The following DHX58 variants were observed in gnomAD, a reference collection of about 807,000 sequenced individuals.
The protein encoded by DHX58 is ATP-dependent RNA helicase DHX58.
DHX58 carries 51 observed loss-of-function variants against 65.0 expected under a neutral mutation model. The observed-to-expected ratio is 0.78, with a 90% confidence interval of 0.63 to 0.99. The LOEUF (loss-of-function observed/expected upper bound fraction) is 0.99. DHX58 is among the 50% of genes least tolerant of loss of function. The pLI, the probability that DHX58 is intolerant of heterozygous loss-of-function variation, is 0.00. For missense variants in DHX58, 773 were observed against 891.8 expected (o/e 0.87, Z 1.70); for synonymous variants, 350 against 365.0 (o/e 0.96, Z 0.47).
Position 42,103,607 on chromosome 17 carries a change from C to A in DHX58, c.1754+1G>T. ...CCAGTAGCCCCTTCCACAGGTCTCA[C>A]GAGAAGTTGGGGTTCACATTGACAT... On this transcript the variant is annotated splice_donor_variant, in intron 12 of 13. Coordinates refer to ENST00000251642, the MANE Select transcript of DHX58 (RefSeq NM_024119.3). LOFTEE classifies it high-confidence loss of function. The A allele has an allele frequency of 6.2e-7, 1 of 1,614,002 alleles. No individual in the cohort carries two copies. The highest frequency in any genetic ancestry group is 8.5e-7 in the Non-Finnish European group (1 of 1,180,008).
At chr17:42,106,441 T>TG (rs2054061504) in intron 8 of DHX58, among the ~76,000 whole-genome samples, 2 of 17,024 alleles carry the variant, frequency 1.2e-4, no homozygotes, top group African/African-American at 2.7e-4. Flanking sequence ...AGGTGGGGGG[T>TG]GGGGGGTGGG....
intron 7 of DHX58, 66 bp from the exon 8 acceptor site, chr17:42,107,861 C>T (rs2054088267): frequency 6.5e-7 from 1 of 1,542,670 alleles, no homozygotes; most frequent in Non-Finnish European, 8.7e-7. Flanking sequence ...CCCATAGGGC[C>T]GTCCCACTCG....
intron 5 of DHX58, among the ~76,000 whole-genome samples, chr17:42,109,646 A>G (rs879988692): frequency 1.4e-4 from 22 of 152,242 alleles, no homozygotes; most frequent in Admixed American, 8.5e-4. Flanking sequence ...CTGTAATCCC[A>G]GCACTTTGGG....
rs569916692 is a variant in DHX58 at position 42,107,840 on chromosome 17, C to G, written c.806-45G>C. ...GGTCTGAGCAGCCCACAGCCCCGCC[C>G]CCTGCCCTGCCCCATAGGGCCGTCC... On this transcript the variant is annotated intron_variant, in intron 7 of 13. Transcript: ENST00000251642. 41 of 1,534,190 alleles carry G rather than the reference C, an allele frequency of 2.7e-5. No individual in the cohort carries two copies. In the South Asian group the frequency reaches 4.7e-4, roughly 18 times the overall value.
Position 42,105,080 on chromosome 17 carries a change from T to C in DHX58, c.1339A>G (p.Ile447Val), listed in dbSNP as rs141023478. 1.2e-6 allele frequency: 2 copies of C among 1,613,940 alleles called. No homozygotes were observed. The highest frequency in any genetic ancestry group is 2.2e-5 in the South Asian group (2 of 91,084). ...ATSVAEEGLD[I>V]PHCNVVVRYG... ...CGCACCACCACATTGCAATGTGGGA[T>C]GTCCAGCCCCTCCTCCGCCACACTC... is the stretch of plus-strand genomic sequence containing the variant. Residue 447 changes from isoleucine (I) to valine (V), a missense_variant, in exon 10 of 14, where the codon ATC (isoleucine) becomes GTC (valine). Transcript: ENST00000251642.
chr17:42,107,903 CA>C, intron 7 of DHX58, 78 bp downstream of exon 7: 1 of 1,597,112 alleles, frequency 6.3e-7, no homozygotes, highest in Non-Finnish European at 8.5e-7. Flanking sequence ...GGCCCCGCCC[CA>C]AAGGCCTCCG....
Position 42,101,634 on chromosome 17 carries a change from C to A in DHX58, c.*127G>T. 3.7e-6 allele frequency: 5 copies of A among 1,339,634 alleles called. No individual in the cohort carries two copies. Among genetic ancestry groups the A allele is most frequent in the Non-Finnish European group, 5.1e-6 (5 of 978,152 alleles). The allele number at this position is 1,339,634 out of a possible 1,614,324, so 83.0% of individuals were successfully genotyped here. On this transcript the variant is annotated 3_prime_UTR_variant, in exon 14 of 14. Transcript: ENST00000251642. ...ATTGCGGGAGCCTAAGCCAGGGTGC[C>A]CAGGACTCCTGTGTGGCTGGTGGGC... is the stretch of plus-strand genomic sequence containing the variant.
chr17:42,106,058 T>C (rs910455703), intron 8 of DHX58, 69 bp from the exon 9 acceptor site: 3 of 1,533,864 alleles, frequency 2.0e-6, no homozygotes, highest in Middle Eastern at 2.0e-4. Context: ...CTTGGGAGGC[T>C]GAGGGCAGAA....
intron 13 of DHX58, 78 bp from the exon 14 acceptor site, chr17:42,102,024 G>C: frequency 1.3e-6 from 2 of 1,505,936 alleles, no homozygotes; most frequent in Non-Finnish European, 1.8e-6. Flanking sequence ...GGAATTCCCT[G>C]AATACAGGGC....
At position 42,102,327 on chromosome 17, in the gene DHX58, G is replaced by GGGT; in HGVS notation, c.1755-18_1755-16dup. On this transcript the variant is annotated splice_polypyrimidine_tract_variant and intron_variant, in intron 12 of 13. Transcript: ENST00000251642. ...TATAGTAGTTCCTGGAGAGGAAGGGGGGTGGCCACAGCCCTCATTGACCCT... is the reference window on the plus strand; with the variant it reads ...TATAGTAGTTCCTGGAGAGGAAGGGGGGTGGTGGCCACAGCCCTCATTGACCCT... 1 of 1,608,398 alleles carries GGGT rather than the reference G, an allele frequency of 6.2e-7. No individual in the cohort carries two copies. Among genetic ancestry groups the GGGT allele is most frequent in the Non-Finnish European group, 8.5e-7 (1 of 1,174,868 alleles).
Position 42,104,746 on chromosome 17 carries a change from C to T in DHX58, c.1563+20G>A, listed in dbSNP as rs2054028087. 1.2e-6 allele frequency: 2 copies of T among 1,612,516 alleles called. No individual in the cohort carries two copies. The highest frequency in any genetic ancestry group is 1.7e-6 in the Non-Finnish European group (2 of 1,179,460). ...CCTCCTCCCCATCCCTCCCACAGGG[C>T]ATGCAGGCTGCCTGCAGACCTTGGC... is the stretch of plus-strand genomic sequence containing the variant. On this transcript the variant is annotated intron_variant, in intron 11 of 13. Coordinates refer to ENST00000251642, the MANE Select transcript of DHX58 (RefSeq NM_024119.3).
chr17:42,107,614 G>A lies in DHX58; in HGVS notation c.987C>T (p.Ala329=). 6.2e-7 allele frequency: 1 copy of A among 1,602,418 alleles called. No homozygotes were observed. Among genetic ancestry groups the A allele is most frequent in the Non-Finnish European group, 8.5e-7 (1 of 1,173,372 alleles). ...QILCAERRLL[A]LFDDRKNELA... is the part of the protein sequence containing the mutation. ...CCTCCCGCCCCTCACCATCGAACAG[G>A]GCCAGCAGCCGGCGCTCGGCACACA... The change falls in exon 8 of 14, where the codon GCC becomes GCT. Residue 329 remains alanine, a synonymous_variant. Transcript: ENST00000251642.
chr17:42,104,581 G>A (rs2054025260), intron 11 of DHX58, among the ~76,000 whole-genome samples, 185 bp downstream of exon 11: 3 of 152,146 alleles, frequency 2.0e-5, no homozygotes, highest in Admixed American at 2.0e-4. Flanking sequence ...AAGGCCTTCT[G>A]GAGTCCAGGT....
intron 1 of DHX58, 97 bp downstream of exon 1, chr17:42,112,507 TG>T (rs1467694948): frequency 1.9e-5 from 2 of 103,458 alleles, no homozygotes; most frequent in African/African-American, 1.1e-4. Context: ...CCACCCCACT[TG>T]AGGGAGGTGG....
At position 42,111,430 on chromosome 17, in the gene DHX58, G is replaced by A. The variant is rs1297418122; in HGVS notation, c.236C>T (p.Thr79Ile). The change falls in exon 4 of 14, where the codon ACC (threonine) becomes ATC (isoleucine). Residue 79 changes from threonine to isoleucine, a missense_variant. Physicochemically the swap from Thr to Ile is moderately conservative, Grantham distance 89 (BLOSUM62 -1). Coordinates refer to ENST00000251642, the MANE Select transcript of DHX58 (RefSeq NM_024119.3). Reference protein sequence around the residue: ...RMLDGRWTVTTLSGDMGPRAG... With the variant: ...RMLDGRWTVTILSGDMGPRAG... ...ACGTGGTCCCATGTCCCCACTCAGG[G>A]TTGTCACGGTCCAGCGTCCATCCAG... The A allele has an allele frequency of 9.9e-6, 16 of 1,614,090 alleles. No individual in the cohort carries two copies. The highest frequency in any genetic ancestry group is 2.7e-5 in the African/African-American group (2 of 74,944).
chr17:42,110,687 G>A, intron 5 of DHX58, 36 bp downstream of exon 5: 1 of 1,553,302 alleles, frequency 6.4e-7, no homozygotes, highest in South Asian at 1.2e-5. Flanking sequence ...TCCCTGGTGG[G>A]TCTGGCAGTG....
At chr17:42,105,226 T>C in intron 9 of DHX58, 59 bp from the exon 10 acceptor site, 1 of 1,516,826 alleles carries the variant, frequency 6.6e-7, no homozygotes, top group Non-Finnish European at 8.8e-7. Context: ...TCAGACTGAC[T>C]CCACCTGCCA....
Position 42,111,175 on chromosome 17 carries a change from G to T in DHX58, c.370+121C>A, listed in dbSNP as rs1253147015. 43 of 1,309,934 alleles carry T rather than the reference G, an allele frequency of 3.3e-5. 1 individual carries two copies. In the East Asian group the frequency reaches 1.0e-3, roughly 31 times the overall value. The allele number at this position is 1,309,934 out of a possible 1,614,324, so 81.1% of individuals were successfully genotyped here. A position where few individuals can be genotyped will look rare whatever the true frequency, so the allele number is the denominator to read the frequency against. ...ACTAGAGTGCCTGCAGGGGTTTTGT[G>T]AACAGGCAACCCCTCACTCCCACTA... is the stretch of plus-strand genomic sequence containing the variant. On this transcript the variant is annotated intron_variant, in intron 4 of 13. Coordinates refer to ENST00000251642, the MANE Select transcript of DHX58 (RefSeq NM_024119.3).
chr17:42,104,165 C>G (rs1447887267), intron 11 of DHX58, among the ~76,000 whole-genome samples: 1 of 150,990 alleles, frequency 6.6e-6, no homozygotes, highest in African/African-American at 2.5e-5. Flanking sequence ...GGAGATTGTG[C>G]CATGCACTCC....
Sources: gnomAD v4.1 joint callset for allele counts (sites outside exome capture counted in the v4.1 genomes callset) on GRCh38, gnomAD v4.1.1 for gene constraint, MANE v1.5 for transcripts, NCBI Gene and HGNC (gene_info 2026-07-23, HGNC 2026-07-21) for gene names.